Variants in PAPOLG observed in about 807,000 individuals in gnomAD.
The protein encoded by PAPOLG is poly(A) polymerase gamma, also known as PAP-gamma.
PAPOLG carries 40 observed loss-of-function variants against 99.0 expected under a neutral mutation model. That is an observed-to-expected ratio of 0.40 (90% CI 0.31 to 0.53). The LOEUF (loss-of-function observed/expected upper bound fraction) is 0.53. Among genes scored for constraint, PAPOLG ranks in the 20% least tolerant of loss-of-function variants. The pLI is 0.41. For synonymous variants in PAPOLG, 310 were observed against 299.3 expected (o/e 1.04, Z -0.37); for missense variants, 675 against 884.1 (o/e 0.76, Z 3.00).
In PAPOLG at chr2:60,791,742, CAT is replaced by C; in HGVS notation, c.1397-16_1397-15del. 1 of 1,573,952 alleles carries C rather than the reference CAT, an allele frequency of 6.4e-7. No individual in the cohort carries two copies. The highest frequency in any genetic ancestry group is 8.6e-7 in the Non-Finnish European group (1 of 1,165,804). Reference sequence around the variant, plus strand: ...GTTCAGAAAGAAGTTTCCCATTTAACATATTAACATTGTTACAGTGTACAGAC... The same window carrying C: ...GTTCAGAAAGAAGTTTCCCATTTAACATTAACATTGTTACAGTGTACAGAC... On this transcript the variant is annotated splice_polypyrimidine_tract_variant and intron_variant, in intron 15 of 21. Transcript: ENST00000238714.
At chr2:60,779,466 A>T (rs1355178421) in intron 8 of PAPOLG, 171 bp from the exon 9 acceptor site, 1 of 630,304 alleles carries the variant, frequency 1.6e-6, no homozygotes, top group African/African-American at 1.8e-5. Flanking sequence ...AGGTCTGCTT[A>T]TCAGTTTTAA....
rs372863441 is a variant in PAPOLG at position 60,783,817 on chromosome 2, A to G, written c.1166+608A>G. On this transcript the variant is annotated intron_variant, in intron 13 of 21. Transcript: ENST00000238714. ...ATGACCATGGAGCTTCAGTGTTTAAAATATGCCATCAAATTAATGTTTCAG... is the reference window on the plus strand; with the variant it reads ...ATGACCATGGAGCTTCAGTGTTTAAGATATGCCATCAAATTAATGTTTCAG... Among the ~76,000 whole-genome samples, 290 of 151,126 alleles carry G rather than the reference A, an allele frequency of 1.9e-3. 10 individuals carry two copies. The South Asian group carries it at 0.055, about 29-fold the overall frequency.
chr2:60,799,303 T>G lies in PAPOLG; in HGVS notation c.*2143T>G, dbSNP rs1318529368. On this transcript the variant is annotated 3_prime_UTR_variant, in exon 22 of 22. Coordinates refer to ENST00000238714, the MANE Select transcript of PAPOLG (RefSeq NM_022894.4). ...TAATAAGGAAGCAACAAGTCTAACC[T>G]TGTACTATAGGATAGGCATTTATTT... 1 of 152,396 alleles carries G rather than the reference T, an allele frequency of 6.6e-6. No homozygotes were observed. Among genetic ancestry groups the G allele is most frequent in the East Asian group, 1.9e-4 (1 of 5,340 alleles). 9.4% of individuals were successfully genotyped at this position (152,396 alleles called of 1,614,324 possible).
At chr2:60,762,751 C>A (rs370714557) in intron 3 of PAPOLG, among the ~76,000 whole-genome samples, 3 of 151,830 alleles carry the variant, frequency 2.0e-5, no homozygotes, top group Non-Finnish European at 2.9e-5. Context: ...CTCAGCCTCC[C>A]GAGTAGCTGG....
intron 10 of PAPOLG, among the ~76,000 whole-genome samples, chr2:60,781,142 G>A (rs528701524): frequency 1.1e-3 from 166 of 152,252 alleles, no homozygotes; most frequent in South Asian, 1.7e-3. Context: ...GATCACCTGC[G>A]GTCAGGAGTT....
intron 8 of PAPOLG, among the ~76,000 whole-genome samples, chr2:60,776,084 G>A (rs1671008260): frequency 6.6e-6 from 1 of 152,140 alleles, no homozygotes; most frequent in South Asian, 2.1e-4. Context: ...TTCTTAAATG[G>A]TAAAACAAGA....
At chr2:60,794,477 GTAAA>G in intron 19 of PAPOLG, 1 of 566,746 alleles carries the variant, frequency 1.8e-6, no homozygotes, top group Non-Finnish European at 3.0e-6. Flanking sequence ...GTAGGTGGTG[GTAAA>G]ACTATATTTG....
intron 13 of PAPOLG, among the ~76,000 whole-genome samples, chr2:60,784,610 A>G (rs1304724006): frequency 1.3e-5 from 2 of 152,214 alleles, no homozygotes; most frequent in African/African-American, 4.8e-5. Flanking sequence ...TTTCATTGGT[A>G]ATTAAAGGAA....
intron 21 of PAPOLG, among the ~76,000 whole-genome samples, chr2:60,795,935 T>C (rs944042711): frequency 4.6e-5 from 7 of 152,122 alleles, no homozygotes; most frequent in Non-Finnish European, 7.4e-5. Flanking sequence ...AAATGACATA[T>C]CTGGATTTTT....
chr2:60,772,509 C>G (rs1214664265), intron 7 of PAPOLG, among the ~76,000 whole-genome samples: 1 of 150,762 alleles, frequency 6.6e-6, no homozygotes, highest in Non-Finnish European at 1.5e-5. Context: ...AGCACTTTGG[C>G]AGGCCAAGGC....
chr2:60,783,259 T>C (rs761656053), intron 13 of PAPOLG, 50 bp downstream of exon 13: 1 of 1,121,498 alleles, frequency 8.9e-7, no homozygotes, highest in Non-Finnish European at 1.3e-6. Flanking sequence ...GATAGTAACT[T>C]ATTTATATGG....
chr2:60,770,464 G>A lies in PAPOLG; in HGVS notation c.445G>A (p.Glu149Lys). Reference protein sequence around the residue: ...QDGIRNLRAVEDAFVPVIKFE... With the variant: ...QDGIRNLRAVKDAFVPVIKFE... Reference sequence around the variant, plus strand: ...TTGTTTTCCTTTTTTGTAGGCTGTAGAAGATGCCTTTGTACCTGTTATAAA... The same window carrying A: ...TTGTTTTCCTTTTTTGTAGGCTGTAAAAGATGCCTTTGTACCTGTTATAAA... The change falls in exon 6 of 22, where the codon GAA becomes AAA. Residue 149 changes from glutamate (E) to lysine (K), a missense_variant. By Grantham distance (56) the Glu-to-Lys change is moderately conservative. This residue lies in a region of PAPOLG where 149 missense variants were observed against 192.1 expected (regional missense o/e 0.78). Transcript: ENST00000238714. The A allele has an allele frequency of 6.3e-7, 1 of 1,598,032 alleles. No individual in the cohort carries two copies. The highest frequency in any genetic ancestry group is 8.5e-7 in the Non-Finnish European group (1 of 1,171,664).
chr2:60,788,893 C>T (rs1001106525), intron 15 of PAPOLG, among the ~76,000 whole-genome samples: 17 of 151,938 alleles, frequency 1.1e-4, no homozygotes, highest in Non-Finnish European at 1.8e-4. Context: ...ATCTGGGAGG[C>T]TGAGGTGGGA....
At chr2:60,779,521 T>C in intron 8 of PAPOLG, 116 bp from the exon 9 acceptor site, 1 of 1,209,122 alleles carries the variant, frequency 8.3e-7, no homozygotes, top group Non-Finnish European at 1.1e-6. Context: ...GTCTTATGAA[T>C]AAAGTTACCT....
In PAPOLG at chr2:60,800,885, G is replaced by A. The variant is rs1349229642; in HGVS notation, c.*3725G>A. Reference sequence around the variant, plus strand: ...TGCTGTGGTATATTTCTGAAAATGTGCTGTGGCTCCTAACTAGTAAAATGG... The same window carrying A: ...TGCTGTGGTATATTTCTGAAAATGTACTGTGGCTCCTAACTAGTAAAATGG... On this transcript the variant is annotated 3_prime_UTR_variant, in exon 22 of 22. Coordinates refer to ENST00000238714, the MANE Select transcript of PAPOLG (RefSeq NM_022894.4). 1 of 152,282 alleles carries A rather than the reference G, an allele frequency of 6.6e-6. No homozygotes were observed. Among genetic ancestry groups the A allele is most frequent in the Non-Finnish European group, 1.5e-5 (1 of 68,020 alleles). 9.4% of individuals were successfully genotyped at this position (152,282 alleles called of 1,614,324 possible).
rs1324323599 is a variant in PAPOLG, at chr2:60,794,202, A to C, written c.1989+11A>C. ...AAAGACGTAGAAAAGGTAAAGTTAC[A>C]ACTTTAGTGGTAATTCAGTAGTTGA... On this transcript the variant is annotated intron_variant, in intron 19 of 21. Transcript: ENST00000238714. 6.2e-7 allele frequency: 1 copy of C among 1,609,034 alleles called. No homozygotes were observed.
rs867210215 is a variant in PAPOLG at position 60,758,337 on chromosome 2, T to C, written c.18-1797T>C. ...TATTTTGGTTTCTGGGGTTTTTTTTTTTTTTTTTTTTTTTGAGTCATTTTG... is the reference window on the plus strand; with the variant it reads ...TATTTTGGTTTCTGGGGTTTTTTTTCTTTTTTTTTTTTTTGAGTCATTTTG... On this transcript the variant is annotated intron_variant, in intron 1 of 21. Transcript: ENST00000238714. 3.6e-3 allele frequency among the ~76,000 whole-genome samples: 537 copies of C among 149,424 alleles called. 5 individuals carry two copies. Among genetic ancestry groups the C allele is most frequent in the African/African-American group, 0.012 (483 of 40,724 alleles).
chr2:60,784,351 G>C (rs1449385895), intron 13 of PAPOLG, among the ~76,000 whole-genome samples: 2 of 152,204 alleles, frequency 1.3e-5, no homozygotes, highest in Admixed American at 1.3e-4. Flanking sequence ...TTTAATTTAG[G>C]AGATAATGGC....
chr2:60,777,253 C>G (rs375222608), intron 8 of PAPOLG, among the ~76,000 whole-genome samples: 1 of 152,152 alleles, frequency 6.6e-6, no homozygotes, highest in Non-Finnish European at 1.5e-5. Flanking sequence ...CAGGAGAGTT[C>G]GAGATCAGCC....
Sources: gnomAD v4.1 joint callset for allele counts (sites outside exome capture counted in the v4.1 genomes callset) on GRCh38, gnomAD v4.1.1 for gene constraint, gnomAD v4.1.1 regional missense constraint, MANE v1.5 for transcripts, NCBI Gene and HGNC (gene_info 2026-07-23, HGNC 2026-07-21) for gene names.